Variants in PPL observed in about 807,000 individuals in gnomAD.
PPL encodes the protein 190 kDa paraneoplastic pemphigus antigen.
PPL carries 198 observed loss-of-function variants against 194.4 expected under a neutral mutation model. That is an observed-to-expected ratio of 1.02 (90% CI 0.91 to 1.15). PPL has a LOEUF of 1.15. Among genes scored for constraint, PPL ranks in the 50% most tolerant of loss-of-function variants. PPL has a pLI of 0.00. For synonymous variants in PPL, 1,220 were observed against 972.4 expected (o/e 1.25, Z -4.74); for missense variants, 2,885 against 2,294.8 (o/e 1.26, Z -5.25).
At chr16:4,911,057 G>A in intron 1 of PPL, 108 bp from the exon 2 acceptor site, 2 of 842,756 alleles carry the variant, frequency 2.4e-6, no homozygotes, top group Non-Finnish European at 3.8e-6. Context: ...CTCTGAGCAG[G>A]AGCTGCCCAC....
chr16:4,898,171 A>C (rs2088471844), intron 8 of PPL, among the ~76,000 whole-genome samples: 1 of 152,212 alleles, frequency 6.6e-6, no homozygotes, highest in South Asian at 2.1e-4. Context: ...TGAGGTCAGG[A>C]GTTTGAGACT....
At chr16:4,888,854 C>T in intron 19 of PPL, 124 bp downstream of exon 19, 1 of 893,716 alleles carries the variant, frequency 1.1e-6, no homozygotes, top group Non-Finnish European at 1.9e-6. Flanking sequence ...CAGCAGCCGG[C>T]AGTGCCTCGG....
At chr16:4,927,467 G>A (rs2089174196) in intron 1 of PPL, among the ~76,000 whole-genome samples, 1 of 152,210 alleles carries the variant, frequency 6.6e-6, no homozygotes, top group South Asian at 2.1e-4. Context: ...TGATTCTAAT[G>A]TACAGCCAGG....
intron 16 of PPL, 61 bp downstream of exon 16, chr16:4,891,750 A>T (rs1055056201): frequency 1.3e-6 from 2 of 1,533,428 alleles, no homozygotes; most frequent in African/African-American, 2.8e-5. Context: ...GGGCGGGTGG[A>T]TGTGCCAGAT....
rs1012495353 is a variant in PPL at position 4,885,439 on chromosome 16, C to T, written c.3216G>A (p.Gln1072=). 1.2e-6 allele frequency: 2 copies of T among 1,612,596 alleles called. No individual in the cohort carries two copies. Among genetic ancestry groups the T allele is most frequent in the African/African-American group, 2.7e-5 (2 of 74,934 alleles). Residue 1072 remains glutamine, a synonymous_variant, in exon 22 of 22, where the codon CAG becomes CAA. Transcript: ENST00000345988. This position sits in a 1 kb window ranked among gnomAD's most constrained non-coding sequence, Gnocchi z 6.3. Reference sequence around the variant, plus strand: ...CCTGGCGCTGGTGGTCCTCCTGCAGCTGCTGGTACTCTGCCTCCAGCTGGG... The same window carrying T: ...CCTGGCGCTGGTGGTCCTCCTGCAGTTGCTGGTACTCTGCCTCCAGCTGGG... ...NDPQLEAEYQ[Q]LQEDHQRQDQ...
intron 1 of PPL, among the ~76,000 whole-genome samples, chr16:4,911,398 G>C (rs144076959): frequency 0.086 from 13,016 of 152,160 alleles, 563 homozygotes; most frequent in African/African-American, 0.1. Flanking sequence ...CTGACCTCAA[G>C]TGATCCACCT....
intron 9 of PPL, among the ~76,000 whole-genome samples, chr16:4,897,089 C>T (rs939170866): frequency 1.3e-5 from 2 of 151,634 alleles, no homozygotes; most frequent in African/African-American, 4.8e-5. Flanking sequence ...AATCCCAACA[C>T]TTTAGGAGGC....
At chr16:4,887,308 T>C (rs1442856115) in intron 20 of PPL, 81 bp from the exon 21 acceptor site, 8 of 1,073,674 alleles carry the variant, frequency 7.5e-6, no homozygotes, top group Non-Finnish European at 1.1e-5. Flanking sequence ...AGCGTGGACG[T>C]GGTTCTTGAG....
At position 4,920,708 on chromosome 16, in the gene PPL, G is replaced by T. The variant is rs544715086; in HGVS notation, c.63-9759C>A. Among the ~76,000 whole-genome samples, 176 of 152,284 alleles carry T rather than the reference G, an allele frequency of 1.2e-3. 1 individual carries two copies. The highest frequency in any genetic ancestry group is 4.1e-3 in the African/African-American group (169 of 41,562). ...GAACTCCTGATCAGGTGATCTGCCT[G>T]CTTCGGCCTCCCAAAGTGCTGGAAT... On this transcript the variant is annotated intron_variant, in intron 1 of 21. Coordinates refer to ENST00000345988, the MANE Select transcript of PPL (RefSeq NM_002705.5).
intron 1 of PPL, among the ~76,000 whole-genome samples, chr16:4,923,774 C>A (rs1199410752): frequency 6.6e-6 from 1 of 152,138 alleles, no homozygotes; most frequent in African/African-American, 2.4e-5. Flanking sequence ...TGAGATAATT[C>A]AAGGAGATAA....
rs1298311902 is a variant in PPL at position 4,902,861 on chromosome 16, GTA to G, written c.318-337_318-336del. 3.2e-4 allele frequency among the ~76,000 whole-genome samples: 49 copies of G among 152,232 alleles called. No individual in the cohort carries two copies. Among genetic ancestry groups the G allele is most frequent in the Admixed American group, 2.9e-3 (45 of 15,302 alleles). Reference sequence around the variant, plus strand: ...TGTGCCACCTCGCCTGGGTAATTTTGTATTTTCAGTAGAGACGGGGTTTCACC... The same window carrying G: ...TGTGCCACCTCGCCTGGGTAATTTTGTTTTCAGTAGAGACGGGGTTTCACC... On this transcript the variant is annotated intron_variant, in intron 3 of 21. Coordinates refer to ENST00000345988, the MANE Select transcript of PPL (RefSeq NM_002705.5). The surrounding 1 kb of genome is among the most constrained non-coding windows in gnomAD (Gnocchi z 4.0).
In PPL at chr16:4,883,642, C is replaced by T. The variant is rs372476097; in HGVS notation, c.5013G>A (p.Pro1671=). ...IHPDTGRELS[P]EEAHRAGLID... is the part of the protein sequence containing the mutation. ...TGAGCCCGGCACGGTGGGCTTCCTC[C>T]GGGGACAGCTCGCGGCCTGTGTCAG... The change falls in exon 22 of 22, where the codon CCG becomes CCA. Residue 1671 remains proline, a synonymous_variant. Coordinates refer to ENST00000345988, the MANE Select transcript of PPL (RefSeq NM_002705.5). This position sits in a 1 kb window ranked among gnomAD's most constrained non-coding sequence, Gnocchi z 4.8. 115 of 1,614,062 alleles carry T rather than the reference C, an allele frequency of 7.1e-5. No homozygotes were observed. Among genetic ancestry groups the T allele is most frequent in the Middle Eastern group, 1.6e-4 (1 of 6,084 alleles).
chr16:4,936,909 C>T (rs2089307309), intron 1 of PPL, 75 bp downstream of exon 1: 8 of 1,437,742 alleles, frequency 5.6e-6, no homozygotes, highest in East Asian at 5.4e-5. Flanking sequence ...CCTACACTGC[C>T]CGGGAGGTCT....
In PPL at chr16:4,889,259, T is replaced by TGG. The variant is rs1227370915; in HGVS notation, c.2314-199_2314-198insCC. Among the ~76,000 whole-genome samples the TGG allele has an allele frequency of 1.4e-4, 18 of 127,786 alleles. 1 individual carries two copies. Among genetic ancestry groups the TGG allele is most frequent in the Admixed American group, 5.7e-4 (7 of 12,380 alleles). The allele number at this position is 127,786 out of a possible 152,430, so 83.8% of individuals were successfully genotyped here. On this transcript the variant is annotated intron_variant, in intron 18 of 21. Transcript: ENST00000345988. The stretch of plus-strand genomic sequence containing the variant: ...TGTTGTTGTTTTTTTTTTTTTTTTT[T>TGG]TTTTTTTTTTTTTTTGAGACAGTCT...
At chr16:4,895,476 AG>A (rs2142351126) in intron 10 of PPL, 69 bp from the exon 11 acceptor site, 1 of 1,604,654 alleles carries the variant, frequency 6.2e-7, no homozygotes, top group Non-Finnish European at 8.5e-7. Context: ...GACGCAGAGC[AG>A]GGGCTGGATT....
At chr16:4,926,786 G>A (rs2089161100) in intron 1 of PPL, among the ~76,000 whole-genome samples, 1 of 145,648 alleles carries the variant, frequency 6.9e-6, no homozygotes, top group African/African-American at 2.5e-5. Flanking sequence ...GGCTGAGGCG[G>A]GAGAATGGCG....
intron 2 of PPL, among the ~76,000 whole-genome samples, chr16:4,910,201 A>C (rs182164781): frequency 2.6e-5 from 4 of 152,334 alleles, no homozygotes; most frequent in Admixed American, 2.6e-4. Flanking sequence ...GATAGGGGAA[A>C]GTGATTTGCC....
In PPL at chr16:4,883,548, G is replaced by T. The variant is rs1365485224; in HGVS notation, c.5107C>A (p.Pro1703Thr). The change falls in exon 22 of 22, where the codon CCC becomes ACC. Residue 1703 changes from proline to threonine, a missense_variant. Pro to Thr is a conservative substitution (Grantham distance 38). Transcript: ENST00000345988. This position sits in a 1 kb window ranked among gnomAD's most constrained non-coding sequence, Gnocchi z 4.8. ...CDWEEISVKG[P>T]NGESSVIHDR... Reference sequence around the variant, plus strand: ...TGTATCACTGAGGACTCCCCATTGGGACCCTTCACTGAGATCTCCTCCCAG... The same window carrying T: ...TGTATCACTGAGGACTCCCCATTGGTACCCTTCACTGAGATCTCCTCCCAG... 1.2e-6 allele frequency: 2 copies of T among 1,613,982 alleles called. No individual in the cohort carries two copies. The highest frequency in any genetic ancestry group is 1.7e-6 in the Non-Finnish European group (2 of 1,180,006).
rs2088247812 is a variant in PPL at position 4,888,128 on chromosome 16, A to G, written c.2488T>C (p.Ser830Pro). ...TCTTCCTTCACTTTGGTGGCAGGAG[A>G]TTGGAGCCTGGCTCTCTTGCTCACG... is the stretch of plus-strand genomic sequence containing the variant. Reference protein sequence around the residue: ...SHVSKRARLQSPATKVKEEEA... With the variant: ...SHVSKRARLQPPATKVKEEEA... The change falls in exon 20 of 22, where the codon TCT (serine) becomes CCT (proline). Residue 830 changes from serine to proline, a missense_variant. Ser to Pro is a moderately conservative substitution (Grantham distance 74). Coordinates refer to ENST00000345988, the MANE Select transcript of PPL (RefSeq NM_002705.5). 1 of 1,613,752 alleles carries G rather than the reference A, an allele frequency of 6.2e-7. No homozygotes were observed. The highest frequency in any genetic ancestry group is 8.5e-7 in the Non-Finnish European group (1 of 1,179,724).
Sources: allele counts gnomAD v4.1 joint callset (sites outside exome capture counted in the v4.1 genomes callset), GRCh38; gene constraint gnomAD v4.1.1; non-coding constraint Gnocchi (gnomAD v3.1); transcripts MANE v1.5; gene names NCBI Gene and HGNC (gene_info 2026-07-23, HGNC 2026-07-21).